Variants in PSMA5 observed in about 807,000 individuals in gnomAD.
PSMA5 encodes proteasome 20S subunit alpha 5.
PSMA5 carries 3 observed loss-of-function variants against 34.5 expected under a neutral mutation model. The ratio of observed to expected loss-of-function variants is 0.09; its 90% confidence interval spans 0.04 to 0.22. The LOEUF is 0.22. Ranked by LOEUF, PSMA5 falls within the 10% of genes least tolerant of loss-of-function variation. PSMA5 has a pLI of 1.00. For synonymous variants in PSMA5, 88 were observed against 95.8 expected (o/e 0.92, Z 0.47); for missense variants, 120 against 286.1 (o/e 0.42, Z 4.19).
chr1:109,416,186 T>G (rs899337708), intron 2 of PSMA5, among the ~76,000 whole-genome samples: 11 of 152,150 alleles, frequency 7.2e-5, no homozygotes, highest in Admixed American at 3.9e-4. Flanking sequence ...ATCTTTAATC[T>G]CTCTCAATGT....
At chr1:109,405,272 T>C (rs1178005870) in intron 8 of PSMA5, among the ~76,000 whole-genome samples, 1 of 152,106 alleles carries the variant, frequency 6.6e-6, no homozygotes, top group African/African-American at 2.4e-5. Flanking sequence ...TAAAATAAGA[T>C]TTTCGGAATA....
intron 8 of PSMA5, among the ~76,000 whole-genome samples, chr1:109,406,386 A>G (rs4120621): frequency 0.7 from 106,317 of 152,098 alleles, 37,712 homozygotes; most frequent in East Asian, 0.96. Context: ...GATGCAACAC[A>G]GGTGAATCTC....
intron 1 of PSMA5, 60 bp downstream of exon 1, chr1:109,426,242 G>A (rs1654653368): frequency 6.2e-7 from 1 of 1,601,900 alleles, no homozygotes; most frequent in Non-Finnish European, 8.6e-7. Flanking sequence ...CAGGCCGCGC[G>A]GCCAGGTCCC....
rs1654669182 is a variant in PSMA5, at chr1:109,426,412, C to T, written c.-82G>A. On this transcript the variant is annotated 5_prime_UTR_variant, in exon 1 of 9. Transcript: ENST00000271308. Reference sequence around the variant, plus strand: ...CACCGGCACCCAACTCACCGGCAGCCAACTCACCCACACGGCCGCAGTACT... The same window carrying T: ...CACCGGCACCCAACTCACCGGCAGCTAACTCACCCACACGGCCGCAGTACT... The T allele has an allele frequency of 6.4e-7, 1 of 1,556,924 alleles. No homozygotes were observed. The highest frequency in any genetic ancestry group is 1.1e-5 in the South Asian group (1 of 89,882).
At chr1:109,422,434 AAG>A (rs1654479361) in intron 1 of PSMA5, among the ~76,000 whole-genome samples, 1 of 151,978 alleles carries the variant, frequency 6.6e-6, no homozygotes, top group Non-Finnish European at 1.5e-5. Context: ...AGCAAGTAGG[AAG>A]AGTTTTCCCC....
intron 2 of PSMA5, among the ~76,000 whole-genome samples, chr1:109,420,777 G>A (rs1041537330): frequency 2.6e-5 from 4 of 152,092 alleles, no homozygotes; most frequent in African/African-American, 9.7e-5. Flanking sequence ...AAAGTCTGGA[G>A]ACATTTTTGA....
intron 2 of PSMA5, among the ~76,000 whole-genome samples, chr1:109,416,440 C>T (rs1357023067): frequency 6.6e-5 from 10 of 152,218 alleles, no homozygotes; most frequent in Non-Finnish European, 1.5e-4. Flanking sequence ...CCCCTCTGCT[C>T]ATGCTGTCTC....
intron 8 of PSMA5, among the ~76,000 whole-genome samples, chr1:109,404,410 A>C (rs1653664283): frequency 6.6e-6 from 1 of 152,224 alleles, no homozygotes; most frequent in Non-Finnish European, 1.5e-5. Context: ...GAAATATAAG[A>C]GCAATAATCT....
rs547599262 is a variant in PSMA5 at position 109,417,736 on chromosome 1, G to T, written c.97-2373C>A. The stretch of plus-strand genomic sequence containing the variant: ...GAAATACCCTCCCGGAATGAAATGA[G>T]AAGAGGCAGTTTTCTCCTGAGCAAT... On this transcript the variant is annotated intron_variant, in intron 2 of 8. Coordinates refer to ENST00000271308, the MANE Select transcript of PSMA5 (RefSeq NM_002790.4). Among the ~76,000 whole-genome samples, 4 of 152,168 alleles carry T rather than the reference G, an allele frequency of 2.6e-5. No homozygotes were observed. The East Asian group carries it at 7.7e-4, about 29-fold the overall frequency.
chr1:109,407,905 A>G (rs1477451129), intron 8 of PSMA5, among the ~76,000 whole-genome samples: 1 of 152,128 alleles, frequency 6.6e-6, no homozygotes, highest in African/African-American at 2.4e-5. Flanking sequence ...TTGGCCTCCC[A>G]AAGTGCTGGG....
intron 2 of PSMA5, among the ~76,000 whole-genome samples, chr1:109,418,468 A>G (rs1654305095): frequency 6.6e-6 from 1 of 152,080 alleles, no homozygotes; most frequent in African/African-American, 2.4e-5. Context: ...GGTGTACACT[A>G]CTACACTCAA....
At chr1:109,419,505 A>C (rs1654349595) in intron 2 of PSMA5, among the ~76,000 whole-genome samples, 1 of 151,894 alleles carries the variant, frequency 6.6e-6, no homozygotes, top group Non-Finnish European at 1.5e-5. Context: ...CCGTCTCTAC[A>C]AAAAATACAA....
chr1:109,409,049 TAA>T (rs1354861135), intron 8 of PSMA5, among the ~76,000 whole-genome samples: 1 of 152,056 alleles, frequency 6.6e-6, no homozygotes, highest in Non-Finnish European at 1.5e-5. Context: ...TTCCACATCC[TAA>T]AAAAGACACA....
chr1:109,402,191 A>G (rs1653561650), intron 8 of PSMA5, 101 bp from the exon 9 acceptor site: 2 of 770,110 alleles, frequency 2.6e-6, no homozygotes, highest in Admixed American at 4.8e-5. Flanking sequence ...GCTATTCATT[A>G]GGAACTAAGG....
At chr1:109,402,988 A>C (rs1043449613) in intron 8 of PSMA5, among the ~76,000 whole-genome samples, 4 of 152,204 alleles carry the variant, frequency 2.6e-5, no homozygotes, top group African/African-American at 9.6e-5. Context: ...TACAGATGTG[A>C]GCTACTGCAC....
chr1:109,411,744 G>T, intron 6 of PSMA5, 133 bp downstream of exon 6: 2 of 855,402 alleles, frequency 2.3e-6, no homozygotes, highest in Non-Finnish European at 3.7e-6. Context: ...TCCTGCCTTA[G>T]CCTTCAAGTA....
chr1:109,415,489 G>C, intron 2 of PSMA5, 126 bp from the exon 3 acceptor site: 1 of 910,216 alleles, frequency 1.1e-6, no homozygotes, highest in Non-Finnish European at 1.5e-6. Context: ...TAGGCAGAGA[G>C]AAGGAGCACC....
chr1:109,420,437 T>C (rs1247163021), intron 2 of PSMA5, among the ~76,000 whole-genome samples: 1 of 152,192 alleles, frequency 6.6e-6, no homozygotes, highest in African/African-American at 2.4e-5. Context: ...CATTACCAGC[T>C]GAAACAATTT....
chr1:109,419,408 C>T (rs1399121487), intron 2 of PSMA5, among the ~76,000 whole-genome samples: 1 of 152,138 alleles, frequency 6.6e-6, no homozygotes, highest in Non-Finnish European at 1.5e-5. Flanking sequence ...TGGCTCATAC[C>T]TGTAATTCCA....
Sources: gnomAD v4.1 joint callset for allele counts (sites outside exome capture counted in the v4.1 genomes callset) on GRCh38, gnomAD v4.1.1 for gene constraint, MANE v1.5 for transcripts, NCBI Gene and HGNC (gene_info 2026-07-23, HGNC 2026-07-21) for gene names.